Variants in SEMA6A observed in about 807,000 individuals in gnomAD.
SEMA6A encodes semaphorin 6A, also known as semaphorin-6A.
In SEMA6A, 25 loss-of-function variants were observed where a neutral mutation model predicts 96.8. That is an observed-to-expected ratio of 0.26 (90% confidence interval 0.19 to 0.36). The LOEUF (loss-of-function observed/expected upper bound fraction) is 0.36, where lower values mean the gene tolerates loss of function less well. Among genes scored for constraint, SEMA6A ranks in the 10% least tolerant of loss-of-function variants. The pLI, the probability that SEMA6A is intolerant of heterozygous loss-of-function variation, is 1.00. For missense variants in SEMA6A, 1,363 were observed against 1,323.1 expected, an observed-to-expected ratio of 1.03 and a Z score of -0.47; for synonymous variants, 612 against 518.0, an observed-to-expected ratio of 1.18 and a Z score of -2.46.
At chr5:116,478,929 AGTGTGTGTGTGTGT>A (rs34260068) in intron 12 of SEMA6A, among the ~76,000 whole-genome samples, 1 of 149,248 alleles carries the variant, frequency 6.7e-6, no homozygotes, top group Non-Finnish European at 1.5e-5. Flanking sequence ...GGTGTGAGAG[AGTGTGTGTGTGTGT>A]GTGTGTGTGT....
chr5:116,530,660 T>A (rs1223543563), intron 1 of SEMA6A, among the ~76,000 whole-genome samples: 1 of 152,168 alleles, frequency 6.6e-6, no homozygotes. Flanking sequence ...GTATACAGTT[T>A]TATTTAAAAC....
chr5:116,545,213 C>G lies in SEMA6A; in HGVS notation c.-39+28972G>C, dbSNP rs147800375. 3.8e-3 allele frequency among the ~76,000 whole-genome samples: 577 copies of G among 152,270 alleles called. 15 individuals are homozygous for G. The highest frequency in any genetic ancestry group is 0.033 in the Admixed American group (499 of 15,286). On this transcript the variant is annotated intron_variant, in intron 1 of 18. Transcript: ENST00000343348. Reference sequence around the variant, plus strand: ...CCAGTCGGGTTTAGCTTAGATTGTGCGGTCTGGCTCCAGCCAATGGAGACA... The same window carrying G: ...CCAGTCGGGTTTAGCTTAGATTGTGGGGTCTGGCTCCAGCCAATGGAGACA...
intron 1 of SEMA6A, chr5:116,562,743 T>A (rs1348056373): frequency 5.5e-6 from 4 of 733,334 alleles, no homozygotes; most frequent in Admixed American, 1.7e-5. Context: ...GGGATGAAGG[T>A]GAAGGCAGAC....
chr5:116,504,627 G>A (rs1224522481), intron 2 of SEMA6A, among the ~76,000 whole-genome samples: 5 of 152,172 alleles, frequency 3.3e-5, no homozygotes, highest in Non-Finnish European at 7.3e-5. Flanking sequence ...TACGAGGGGC[G>A]TTTCAAATCC....
chr5:116,467,839 G>T (rs900015208), intron 17 of SEMA6A, 92 bp from the exon 18 acceptor site: 2 of 1,363,406 alleles, frequency 1.5e-6, no homozygotes, highest in South Asian at 1.3e-5. Flanking sequence ...ACCCAAGCTG[G>T]CTGTAAGACT....
At chr5:116,498,975 G>A (rs1310057515) in intron 3 of SEMA6A, 1 of 152,110 alleles carries the variant, frequency 6.6e-6, no homozygotes, top group Non-Finnish European at 1.5e-5. Context: ...GCAGTTTAGA[G>A]ATTAAAAAAG....
chr5:116,517,744 AGTGACT>A (rs1758736156), intron 1 of SEMA6A, among the ~76,000 whole-genome samples: 1 of 152,186 alleles, frequency 6.6e-6, no homozygotes, highest in African/African-American at 2.4e-5. Flanking sequence ...AAGCAGCAGA[AGTGACT>A]GCCTCCCCAG....
intron 1 of SEMA6A, among the ~76,000 whole-genome samples, chr5:116,510,198 A>G (rs1226138061): frequency 6.6e-6 from 1 of 152,192 alleles, no homozygotes; most frequent in Non-Finnish European, 1.5e-5. Flanking sequence ...AAGCAGTTCT[A>G]ATCTGACCAC....
chr5:116,563,598 T>C (rs1407324122), intron 1 of SEMA6A, among the ~76,000 whole-genome samples: 1 of 152,224 alleles, frequency 6.6e-6, no homozygotes, highest in East Asian at 1.9e-4. Flanking sequence ...GACTGACATC[T>C]ACACAAAAAG....
intron 17 of SEMA6A, among the ~76,000 whole-genome samples, chr5:116,470,090 G>C (rs1021323062): frequency 6.6e-6 from 1 of 152,136 alleles, no homozygotes; most frequent in African/African-American, 2.4e-5. Context: ...TAAACAGTCA[G>C]AGAAAGCAAT....
At chr5:116,462,348 C>T (rs1402935887) in intron 18 of SEMA6A, among the ~76,000 whole-genome samples, 2 of 152,042 alleles carry the variant, frequency 1.3e-5, no homozygotes, top group South Asian at 2.1e-4. Context: ...ATTGCCAGGC[C>T]GGGCAACACT....
intron 1 of SEMA6A, among the ~76,000 whole-genome samples, chr5:116,566,636 A>T (rs1206849349): frequency 6.6e-6 from 1 of 152,248 alleles, no homozygotes; most frequent in Non-Finnish European, 1.5e-5. Flanking sequence ...TTGTGGTGAT[A>T]ACATCAATTT....
At chr5:116,564,146 G>A (rs996541674) in intron 1 of SEMA6A, among the ~76,000 whole-genome samples, 1 of 152,180 alleles carries the variant, frequency 6.6e-6, no homozygotes, top group African/African-American at 2.4e-5. Context: ...CAACAAAATA[G>A]GCACGTGCAT....
rs1410833767 is a variant in SEMA6A, at chr5:116,444,120, C to A, written c.*2493G>T. 6.6e-6 allele frequency: 1 copy of A among 151,724 alleles called. No homozygotes were observed. The highest frequency in any genetic ancestry group is 1.5e-5 in the Non-Finnish European group (1 of 67,994). The allele number at this position is 151,724 out of a possible 1,614,324, so 9.4% of individuals were successfully genotyped here. ...AGACCCATCACCTTCCTAATTTCTG[C>A]ATTTCTAGAGAAAATTCAAGGAAGA... On this transcript the variant is annotated 3_prime_UTR_variant, in exon 19 of 19. Coordinates refer to ENST00000343348, the MANE Select transcript of SEMA6A (RefSeq NM_020796.5).
intron 1 of SEMA6A, among the ~76,000 whole-genome samples, chr5:116,561,099 T>C (rs917182686): frequency 6.6e-6 from 1 of 152,220 alleles, no homozygotes; most frequent in African/African-American, 2.4e-5. Context: ...GGTGTGCTCT[T>C]AGGCAAATTA....
chr5:116,495,675 T>A (rs1757561664), intron 5 of SEMA6A, 161 bp from the exon 6 acceptor site: 1 of 572,770 alleles, frequency 1.7e-6, no homozygotes, highest in Non-Finnish European at 3.1e-6. Context: ...CACAAGATGA[T>A]GCCGACATCA....
intron 18 of SEMA6A, among the ~76,000 whole-genome samples, chr5:116,448,282 T>C (rs981972611): frequency 1.7e-4 from 26 of 150,906 alleles, no homozygotes; most frequent in African/African-American, 6.4e-4. Flanking sequence ...GAGGTGGAGG[T>C]TGCAGTGAAG....
At chr5:116,500,989 C>T (rs944138848) in intron 3 of SEMA6A, among the ~76,000 whole-genome samples, 2 of 152,134 alleles carry the variant, frequency 1.3e-5, no homozygotes, top group East Asian at 1.9e-4. Flanking sequence ...CCAGCCTGGA[C>T]GATGGGAGTG....
At chr5:116,509,605 TGTGA>T (rs1478553700) in intron 1 of SEMA6A, among the ~76,000 whole-genome samples, 2 of 133,830 alleles carry the variant, frequency 1.5e-5, no homozygotes, top group African/African-American at 2.7e-5. Flanking sequence ...TCTCTGTGTG[TGTGA>T]GAGAGAGAGA....
Sources: allele counts gnomAD v4.1 joint callset (sites outside exome capture counted in the v4.1 genomes callset), GRCh38; gene constraint gnomAD v4.1.1; transcripts MANE v1.5; gene names NCBI Gene and HGNC (gene_info 2026-07-23, HGNC 2026-07-21).